Variants in BMAL1 observed in about 807,000 individuals in gnomAD.
BMAL1 encodes basic helix-loop-helix ARNT-like protein 1.
chr11:13,278,168 G>T, the BMAL1 span, among the ~76,000 whole-genome samples: 89 of 152,336 alleles, frequency 5.8e-4, no homozygotes, highest in African/African-American at 2.1e-3. Flanking sequence ...CCTCCTCGCG[G>T]GGGCTGCCGC....
chr11:13,350,065 C>G, the BMAL1 span: 6 of 152,236 alleles, frequency 3.9e-5, no homozygotes, highest in African/African-American at 1.4e-4. Flanking sequence ...AGAACTGTGA[C>G]TTCAGGTAAC....
the BMAL1 span, among the ~76,000 whole-genome samples, chr11:13,384,973 T>TA: frequency 1.3e-5 from 2 of 152,130 alleles, no homozygotes; most frequent in African/African-American, 4.8e-5. Flanking sequence ...GCTGTGGAAA[T>TA]AAAGTAAGTT....
chr11:13,378,555 A>G, the BMAL1 span: 8 of 1,455,834 alleles, frequency 5.5e-6, no homozygotes, highest in East Asian at 2.5e-5. Flanking sequence ...GGTCTTCACA[A>G]CTGGGTGGGA....
At chr11:13,365,447 C>T in the BMAL1 span, 1 of 1,517,688 alleles carries the variant, frequency 6.6e-7, no homozygotes, top group Admixed American at 1.7e-5. Context: ...AGGGTGATTA[C>T]AAATTATGTT....
At chr11:13,286,810 C>T in the BMAL1 span, among the ~76,000 whole-genome samples, 1 of 152,024 alleles carries the variant, frequency 6.6e-6, no homozygotes, top group Non-Finnish European at 1.5e-5. Context: ...TTCTTTTTAA[C>T]TCTTAGGGAT....
At chr11:13,334,141 A>G in the BMAL1 span, among the ~76,000 whole-genome samples, 1 of 152,176 alleles carries the variant, frequency 6.6e-6, no homozygotes, top group Non-Finnish European at 1.5e-5. Context: ...CAACTAAGGA[A>G]CGAGGGCTCA....
At chr11:13,312,202 T>A in the BMAL1 span, among the ~76,000 whole-genome samples, 1 of 152,236 alleles carries the variant, frequency 6.6e-6, no homozygotes, top group Non-Finnish European at 1.5e-5. Flanking sequence ...ATCTTTGCAA[T>A]GACCTATGTG....
the BMAL1 span, among the ~76,000 whole-genome samples, chr11:13,284,077 GGTGTGTGTGTGT>G: frequency 1.2e-5 from 1 of 85,628 alleles, no homozygotes; most frequent in African/African-American, 5.5e-5. Flanking sequence ...ACAGTGTTGG[GGTGTGTGTGTGT>G]GTGTGTGTGT....
At chr11:13,345,791 T>A in the BMAL1 span, among the ~76,000 whole-genome samples, 1 of 152,372 alleles carries the variant, frequency 6.6e-6, no homozygotes, top group South Asian at 2.1e-4. Context: ...TAAACTTGTT[T>A]ATTGTAAATG....
chr11:13,302,549 T>C, the BMAL1 span, among the ~76,000 whole-genome samples: 2 of 152,216 alleles, frequency 1.3e-5, no homozygotes, highest in Admixed American at 6.5e-5. Flanking sequence ...GCAATCGCTA[T>C]TTTCCCTGGA....
the BMAL1 span, among the ~76,000 whole-genome samples, chr11:13,313,433 G>C: frequency 1.3e-5 from 2 of 152,112 alleles, no homozygotes; most frequent in African/African-American, 4.8e-5. Flanking sequence ...GGTCTGCCCC[G>C]AGGGCACCTC....
the BMAL1 span, chr11:13,385,630 C>A: frequency 7.6e-7 from 1 of 1,317,304 alleles, no homozygotes; most frequent in Non-Finnish European, 1.1e-6. Context: ...CTTCATTTTC[C>A]TTTTGGCATT....
the BMAL1 span, among the ~76,000 whole-genome samples, chr11:13,344,701 G>A: frequency 1.3e-5 from 2 of 152,158 alleles, no homozygotes; most frequent in Non-Finnish European, 2.9e-5. Flanking sequence ...CATGGAGGTC[G>A]GACAGGACTT....
chr11:13,367,906 C>T, the BMAL1 span, among the ~76,000 whole-genome samples: 1 of 152,182 alleles, frequency 6.6e-6, no homozygotes, highest in African/African-American at 2.4e-5. Context: ...GCAGGCAGAA[C>T]AGTTCCTAGC....
At chr11:13,375,790 C>A in the BMAL1 span, 1 of 1,516,062 alleles carries the variant, frequency 6.6e-7, no homozygotes, top group Admixed American at 2.3e-5. Flanking sequence ...ATCTGAAGCT[C>A]CCCTTGCTTC....
the BMAL1 span, among the ~76,000 whole-genome samples, chr11:13,316,609 G>A: frequency 6.6e-6 from 1 of 152,176 alleles, no homozygotes; most frequent in Non-Finnish European, 1.5e-5. Context: ...CAGCCAGCTG[G>A]GCAGGGGCCT....
At chr11:13,386,288 G>A in the BMAL1 span, among the ~76,000 whole-genome samples, 4 of 151,936 alleles carry the variant, frequency 2.6e-5, no homozygotes, top group Non-Finnish European at 5.9e-5. Context: ...AAATAAGCTT[G>A]ACTCAAATAT....
At chr11:13,289,599 T>C in the BMAL1 span, among the ~76,000 whole-genome samples, 54 of 152,330 alleles carry the variant, frequency 3.5e-4, no homozygotes, top group African/African-American at 1.3e-3. Context: ...GTTCTCATTG[T>C]TCAGTTCCCA....
At chr11:13,369,423 T>G in the BMAL1 span, among the ~76,000 whole-genome samples, 1 of 152,166 alleles carries the variant, frequency 6.6e-6, no homozygotes, top group Non-Finnish European at 1.5e-5. Context: ...ACTCTGTGAT[T>G]TATAAACATT....
Sources: allele counts gnomAD v4.1 joint callset (sites outside exome capture counted in the v4.1 genomes callset), GRCh38; gene constraint gnomAD v4.1.1; transcripts MANE v1.5; gene names NCBI Gene and HGNC (gene_info 2026-07-23, HGNC 2026-07-21).